The following NFX1 variants were observed in gnomAD, a reference collection of about 807,000 sequenced individuals.
NFX1 encodes the protein nuclear transcription factor, X-box binding 1.
NFX1 carries 69 observed loss-of-function variants against 137.2 expected under a neutral mutation model. The ratio of observed to expected loss-of-function variants is 0.50; its 90% CI spans 0.41 to 0.61. The LOEUF is 0.61. NFX1 is among the 20% of genes least tolerant of loss of function. NFX1 has a pLI of 0.00. For missense variants in NFX1, 1,167 were observed against 1,391.0 expected (o/e 0.84, Z 2.56); for synonymous variants, 495 against 474.1 (o/e 1.04, Z -0.57).
chr9:33,370,027 C>A lies in NFX1; in HGVS notation c.*49C>A. ...AAAGAATGATTAGGTATAGTGGAGA[C>A]TTATTTGCCAGCAGATAAATCATGC... On this transcript the variant is annotated 3_prime_UTR_variant, in exon 24 of 24. Transcript: ENST00000379540. The A allele has an allele frequency of 7.0e-7, 1 of 1,436,710 alleles. No individual in the cohort carries two copies. Among genetic ancestry groups the A allele is most frequent in the Non-Finnish European group, 9.8e-7 (1 of 1,024,462 alleles). 89.0% of individuals were successfully genotyped at this position (1,436,710 alleles called of 1,614,324 possible).
At chr9:33,341,056 C>T (rs780659745) in intron 12 of NFX1, among the ~76,000 whole-genome samples, 2 of 152,178 alleles carry the variant, frequency 1.3e-5, no homozygotes, top group Non-Finnish European at 2.9e-5. Context: ...TCCACATTTT[C>T]GGGTATCTTT....
intron 11 of NFX1, among the ~76,000 whole-genome samples, chr9:33,334,851 A>G (rs1822940453): frequency 6.6e-6 from 1 of 152,148 alleles, no homozygotes; most frequent in Non-Finnish European, 1.5e-5. Flanking sequence ...ATAAGCAGGA[A>G]CCGTCCTGTC....
intron 9 of NFX1, among the ~76,000 whole-genome samples, chr9:33,326,793 A>C (rs574775093): frequency 6.6e-6 from 1 of 152,356 alleles, no homozygotes; most frequent in South Asian, 2.1e-4. Context: ...AACATTATAT[A>C]AAGTTCTAAC....
At chr9:33,334,761 T>C (rs931589498) in intron 11 of NFX1, among the ~76,000 whole-genome samples, 1 of 152,206 alleles carries the variant, frequency 6.6e-6, no homozygotes, top group Non-Finnish European at 1.5e-5. Context: ...GAGTATTCCA[T>C]ATGTGGATCT....
intron 7 of NFX1, among the ~76,000 whole-genome samples, chr9:33,315,397 C>T (rs903059690): frequency 6.6e-6 from 1 of 152,102 alleles, no homozygotes; most frequent in Non-Finnish European, 1.5e-5. Context: ...CTAATCGTCC[C>T]AGTTTTTTCT....
chr9:33,293,599 A>G (rs550838978), intron 1 of NFX1, among the ~76,000 whole-genome samples: 2 of 152,352 alleles, frequency 1.3e-5, no homozygotes, highest in African/African-American at 4.8e-5. Context: ...AATTTATAGT[A>G]TATTCTGTAT....
At chr9:33,291,020 A>G (rs926594736) in intron 1 of NFX1, among the ~76,000 whole-genome samples, 19 of 152,184 alleles carry the variant, frequency 1.2e-4, no homozygotes, top group Non-Finnish European at 2.8e-4. Context: ...CCAGTAGTTT[A>G]GAGTCTCAGC....
chr9:33,290,714 G>A (rs1821125479), intron 1 of NFX1, 117 bp downstream of exon 1: 13 of 1,020,584 alleles, frequency 1.3e-5, no homozygotes, highest in Non-Finnish European at 1.4e-5. Flanking sequence ...CTAGGGCGTA[G>A]GATAGTGGCT....
chr9:33,290,741 C>G (rs1232557029), intron 1 of NFX1, 144 bp downstream of exon 1: 1 of 740,760 alleles, frequency 1.3e-6, no homozygotes, highest in Non-Finnish European at 2.1e-6. Flanking sequence ...GGCCAAGCCC[C>G]GCGCATCGTG....
chr9:33,302,543 G>C (rs1260705501), intron 3 of NFX1, among the ~76,000 whole-genome samples: 10 of 144,910 alleles, frequency 6.9e-5, no homozygotes, highest in African/African-American at 2.5e-4. Context: ...TTTTTTTTTT[G>C]AGACGGTCTG....
rs1822051371 is a variant in NFX1, at chr9:33,313,777, G to A, written c.1572G>A (p.Gln524=). The part of the protein sequence containing the change: ...LCHGGQCQPC[Q]IILNQVCYCG... ...ATGGGGGTCAGTGCCAGCCTTGCCA[G>A]ATCATTTTGAACCAGGGTAAGTGGT... The change falls in exon 7 of 24, where the codon CAG becomes CAA. Residue 524 remains glutamine, a synonymous_variant. Transcript: ENST00000379540. The A allele has an allele frequency of 6.2e-7, 1 of 1,613,888 alleles. No individual in the cohort carries two copies. Among genetic ancestry groups the A allele is most frequent in the Non-Finnish European group, 8.5e-7 (1 of 1,179,970 alleles).
At chr9:33,369,310 G>T (rs962247480) in intron 23 of NFX1, among the ~76,000 whole-genome samples, 1 of 152,074 alleles carries the variant, frequency 6.6e-6, no homozygotes, top group Admixed American at 6.6e-5. Flanking sequence ...TGATCCGTCC[G>T]CCTTGGCCTC....
At chr9:33,324,208 G>A (rs1288838949) in intron 9 of NFX1, among the ~76,000 whole-genome samples, 4 of 151,974 alleles carry the variant, frequency 2.6e-5, no homozygotes, top group Admixed American at 2.0e-4. Flanking sequence ...GTGAAATCTC[G>A]TCTCTACTAA....
chr9:33,313,886 T>A, intron 7 of NFX1, 93 bp downstream of exon 7: 1 of 1,350,276 alleles, frequency 7.4e-7, no homozygotes, highest in South Asian at 1.3e-5. Context: ...GTGTCAGACT[T>A]TTAGTCACAA....
chr9:33,295,202 A>G lies in NFX1; in HGVS notation c.808A>G (p.Thr270Ala), dbSNP rs778679819. Reference sequence around the variant, plus strand: ...ACCAAAACAGGAGGGCCACCGACATACAAACGCAGGACACAGAAACAACAT... The same window carrying G: ...ACCAAAACAGGAGGGCCACCGACATGCAAACGCAGGACACAGAAACAACAT... ...NPPKQEGHRHTNAGHRNNMGP... is the reference protein window; with the variant it reads ...NPPKQEGHRHANAGHRNNMGP... The change falls in exon 2 of 24, where the codon ACA (threonine) becomes GCA (alanine). Residue 270 changes from threonine to alanine, a missense_variant. Thr to Ala is a moderately conservative substitution (Grantham distance 58, BLOSUM62 0). Coordinates refer to ENST00000379540, the MANE Select transcript of NFX1 (RefSeq NM_002504.6). 1.1e-5 allele frequency: 17 copies of G among 1,614,096 alleles called. No individual in the cohort carries two copies. The highest frequency in any genetic ancestry group is 5.5e-5 in the South Asian group (5 of 91,088).
chr9:33,313,818 C>A, intron 7 of NFX1, 25 bp downstream of exon 7: 1 of 1,603,820 alleles, frequency 6.2e-7, no homozygotes, highest in Non-Finnish European at 8.5e-7. Flanking sequence ...CACCAGCTAG[C>A]AATGCTTGTG....
At chr9:33,296,841 C>A (rs915529318) in intron 2 of NFX1, among the ~76,000 whole-genome samples, 4 of 152,184 alleles carry the variant, frequency 2.6e-5, no homozygotes, top group African/African-American at 9.6e-5. Flanking sequence ...TTGCATGCTT[C>A]TATTACAGAA....
intron 15 of NFX1, among the ~76,000 whole-genome samples, chr9:33,351,203 A>G (rs924696428): frequency 2.6e-5 from 4 of 152,040 alleles, no homozygotes; most frequent in Non-Finnish European, 5.9e-5. Flanking sequence ...CACACCTGTA[A>G]TTTCGGCACT....
At chr9:33,332,332 G>A (rs1418894250) in intron 10 of NFX1, 140 bp from the exon 11 acceptor site, 2 of 734,582 alleles carry the variant, frequency 2.7e-6, no homozygotes, top group East Asian at 2.9e-5. Context: ...TCCAGACATG[G>A]CAAGTGAAGT....
Sources: allele counts gnomAD v4.1 joint callset (sites outside exome capture counted in the v4.1 genomes callset), GRCh38; gene constraint gnomAD v4.1.1; transcripts MANE v1.5; gene names NCBI Gene and HGNC (gene_info 2026-07-23, HGNC 2026-07-21).